Variants in PDE4D observed in about 807,000 individuals in gnomAD.
The protein encoded by PDE4D is 3',5'-cyclic-AMP phosphodiesterase 4D.
Under a neutral mutation model 87.4 loss-of-function variants are expected in PDE4D, and 24 were observed. The observed-to-expected ratio is 0.27, with a 90% CI of 0.20 to 0.39. The LOEUF is 0.39. Among genes scored for constraint, PDE4D ranks in the 10% least tolerant of loss-of-function variants. PDE4D has a pLI of 1.00. For synonymous variants in PDE4D, 384 were observed against 383.2 expected, an observed-to-expected ratio of 1.00 and a Z score of -0.02; for missense variants, 714 against 1,041.0, an observed-to-expected ratio of 0.69 and a Z score of 4.32.
At chr5:59,133,983 TTTGTTG>T (rs71604780) in intron 5 of PDE4D, among the ~76,000 whole-genome samples, 19 of 147,744 alleles carry the variant, frequency 1.3e-4, no homozygotes, top group East Asian at 2.0e-4. Context: ...AGCAACTAGT[TTTGTTG>T]TTGTTGTTGT....
chr5:60,431,965 C>T (rs956185934), intron 1 of PDE4D, among the ~76,000 whole-genome samples: 5 of 152,186 alleles, frequency 3.3e-5, no homozygotes, highest in Admixed American at 1.3e-4. Flanking sequence ...CGCAGGCACT[C>T]GCAGGCTGAG....
At chr5:59,132,782 C>T (rs75232125) in intron 5 of PDE4D, among the ~76,000 whole-genome samples, 5,029 of 152,156 alleles carry the variant, frequency 0.033, 118 homozygotes, top group Middle Eastern at 0.048. Context: ...GCTTATTAAC[C>T]TGATGTCAAC....
intron 1 of PDE4D, among the ~76,000 whole-genome samples, chr5:59,387,795 C>T (rs1787395614): frequency 1.3e-5 from 2 of 151,898 alleles, no homozygotes; most frequent in Non-Finnish European, 2.9e-5. Flanking sequence ...TTTTTTGTGG[C>T]AAGATCACTA....
At position 60,255,905 on chromosome 5, in the gene PDE4D, T is replaced by C. The variant is rs117503703; in HGVS notation, c.-89-70218A>G. 9.6e-4 allele frequency among the ~76,000 whole-genome samples: 146 copies of C among 152,038 alleles called. 1 individual carries two copies. In the East Asian group the frequency reaches 0.021, roughly 22 times the overall value. Reference sequence around the variant, plus strand: ...GGCAAATGATTCCTCAAACATTGTGTCTGTATATCTTTTTACATTTCTTCA... The same window carrying C: ...GGCAAATGATTCCTCAAACATTGTGCCTGTATATCTTTTTACATTTCTTCA... On this transcript the variant is annotated intron_variant, in intron 1 of 16. Transcript: ENST00000502484.
chr5:59,440,679 G>A (rs1797477730), intron 1 of PDE4D, among the ~76,000 whole-genome samples: 1 of 152,188 alleles, frequency 6.6e-6, no homozygotes, highest in African/African-American at 2.4e-5. Context: ...AGGAGGCTGA[G>A]GCAGGAGAAT....
intron 5 of PDE4D, among the ~76,000 whole-genome samples, chr5:59,146,496 A>C (rs1038484741): frequency 6.6e-6 from 1 of 152,246 alleles, no homozygotes; most frequent in African/African-American, 2.4e-5. Flanking sequence ...CCACATTCTC[A>C]AAGCCACTGA....
chr5:58,991,912 A>G lies in PDE4D; in HGVS notation c.1108T>C (p.Leu370=). Residue 370 remains leucine (L), a synonymous_variant, in exon 8 of 15, where the codon TTG becomes CTG. Transcript: ENST00000340635. Reference sequence around the variant, plus strand: ...TTAGTCAGACTAGAGCTGTGCATCAATTTCTTGACTCCACTGATCTGAGAC... The same window carrying G: ...TTAGTCAGACTAGAGCTGTGCATCAGTTTCTTGACTCCACTGATCTGAGAC... ...PMSQISGVKK[L]MHSSSLTNSS... The G allele has an allele frequency of 6.2e-7, 1 of 1,606,944 alleles. No homozygotes were observed. Among genetic ancestry groups the G allele is most frequent in the Non-Finnish European group, 8.5e-7 (1 of 1,176,392 alleles).
chr5:59,333,173 C>G (rs564778122), intron 1 of PDE4D, among the ~76,000 whole-genome samples: 1 of 152,060 alleles, frequency 6.6e-6, no homozygotes, highest in Non-Finnish European at 1.5e-5. Context: ...TACAAATCCG[C>G]GAATCCAGTT....
chr5:59,309,694 C>T (rs1772183921), intron 1 of PDE4D, among the ~76,000 whole-genome samples: 1 of 152,158 alleles, frequency 6.6e-6, no homozygotes, highest in Non-Finnish European at 1.5e-5. Context: ...TTCTTGCAGT[C>T]AATCTGGAGC....
At chr5:59,200,027 A>T (rs1746490681) in intron 2 of PDE4D, among the ~76,000 whole-genome samples, 1 of 113,366 alleles carries the variant, frequency 8.8e-6, no homozygotes, top group South Asian at 2.8e-4. Flanking sequence ...GCACATATAC[A>T]TACATGCACA....
intron 1 of PDE4D, among the ~76,000 whole-genome samples, chr5:60,326,322 C>T (rs1583430055): frequency 6.6e-6 from 1 of 152,214 alleles, no homozygotes; most frequent in East Asian, 1.9e-4. Context: ...CACAACCTTG[C>T]AAGCATTTGC....
chr5:59,491,977 T>C (rs1806290118), intron 1 of PDE4D, among the ~76,000 whole-genome samples: 1 of 152,178 alleles, frequency 6.6e-6, no homozygotes, highest in Non-Finnish European at 1.5e-5. Context: ...CCCCAGCAGC[T>C]GGGAGTCTTC....
At chr5:59,581,351 C>G (rs1490648938) in intron 1 of PDE4D, among the ~76,000 whole-genome samples, 2 of 151,882 alleles carry the variant, frequency 1.3e-5, no homozygotes, top group Non-Finnish European at 2.9e-5. Flanking sequence ...TTTCTCTGAA[C>G]CCAAATACCT....
intron 3 of PDE4D, among the ~76,000 whole-genome samples, chr5:59,190,650 T>C (rs1744103629): frequency 6.6e-6 from 1 of 152,150 alleles, no homozygotes; most frequent in South Asian, 2.1e-4. Flanking sequence ...TACCATTAAG[T>C]GGTAAGTGCT....
At chr5:59,508,822 A>C (rs571197147) in intron 1 of PDE4D, among the ~76,000 whole-genome samples, 5 of 152,076 alleles carry the variant, frequency 3.3e-5, no homozygotes, top group Non-Finnish European at 5.9e-5. Flanking sequence ...TGAAACAACA[A>C]ATTAGACTCT....
chr5:60,020,608 A>G (rs1264739346), intron 2 of PDE4D, among the ~76,000 whole-genome samples: 3 of 152,102 alleles, frequency 2.0e-5, no homozygotes, highest in Admixed American at 6.5e-5. Flanking sequence ...AAGATAATAT[A>G]CAGAGGAGCC....
At chr5:59,832,370 T>C (rs1224731223) in intron 1 of PDE4D, among the ~76,000 whole-genome samples, 3 of 152,064 alleles carry the variant, frequency 2.0e-5, no homozygotes, top group South Asian at 2.1e-4. Flanking sequence ...GTTGGGATCA[T>C]GGAGGAGAGA....
intron 5 of PDE4D, among the ~76,000 whole-genome samples, chr5:59,177,236 C>G (rs1170317086): frequency 2.0e-5 from 3 of 152,144 alleles, no homozygotes; most frequent in Non-Finnish European, 4.4e-5. Context: ...GAAGAAGACT[C>G]TCACCAGACC....
intron 1 of PDE4D, among the ~76,000 whole-genome samples, chr5:60,236,494 T>C (rs555210552): frequency 1.2e-4 from 18 of 151,964 alleles, no homozygotes; most frequent in Admixed American, 1.1e-3. Flanking sequence ...TGAAAAGATG[T>C]TCAACATATC....
Sources: allele counts gnomAD v4.1 joint callset (sites outside exome capture counted in the v4.1 genomes callset), GRCh38; gene constraint gnomAD v4.1.1; transcripts MANE v1.5; gene names NCBI Gene and HGNC (gene_info 2026-07-23, HGNC 2026-07-21).